PDE9A: variants seen among roughly 807,000 people sequenced by gnomAD.
PDE9A encodes the protein high affinity cGMP-specific 3',5'-cyclic phosphodiesterase 9A.
PDE9A carries 60 observed loss-of-function variants against 87.4 expected under a neutral mutation model. The ratio of observed to expected loss-of-function variants is 0.69; its 90% confidence interval spans 0.56 to 0.85. The LOEUF (loss-of-function observed/expected upper bound fraction) is 0.85. Among genes scored for constraint, PDE9A ranks in the 40% least tolerant of loss-of-function variants. The probability of loss-of-function intolerance (pLI) is 0.00; values close to 1 mark genes in which losing one functional copy is unlikely to be tolerated. For missense variants in PDE9A, 665 were observed against 779.0 expected (o/e 0.85, Z 1.74); for synonymous variants, 272 against 279.4 (o/e 0.97, Z 0.27).
intron 4 of PDE9A, among the ~76,000 whole-genome samples, chr21:42,726,353 T>A (rs2051032602): frequency 6.6e-6 from 1 of 151,902 alleles, no homozygotes; most frequent in South Asian, 2.1e-4. Context: ...TTCTGGTTTG[T>A]GTTTTTGCTG....
At chr21:42,727,758 G>A (rs2051297048) in intron 4 of PDE9A, among the ~76,000 whole-genome samples, 1 of 152,094 alleles carries the variant, frequency 6.6e-6, no homozygotes, top group South Asian at 2.1e-4. Flanking sequence ...TTAGTTCTAG[G>A]AGGGTTGTGT....
At chr21:42,688,557 C>T (rs758768063) in intron 3 of PDE9A, among the ~76,000 whole-genome samples, 29 of 152,186 alleles carry the variant, frequency 1.9e-4, no homozygotes, top group Non-Finnish European at 2.8e-4. Flanking sequence ...GGAGCAGGGG[C>T]CCTCAGGTCA....
chr21:42,660,625 TA>T lies in PDE9A; in HGVS notation c.69+6757del, dbSNP rs11292693. On this transcript the variant is annotated intron_variant, in intron 1 of 19. Transcript: ENST00000291539. This position sits in a 1 kb window ranked among gnomAD's most constrained non-coding sequence, Gnocchi z 4.7. Reference sequence around the variant, plus strand: ...CCCCTTCCCCAAACACTATTGGAATTAAAAAAAAAAAAAAAGATTAAAATGG... The same window carrying T: ...CCCCTTCCCCAAACACTATTGGAATTAAAAAAAAAAAAAAGATTAAAATGG... Among the ~76,000 whole-genome samples, 23,856 of 138,654 alleles carry T rather than the reference TA, an allele frequency of 0.17. 2,089 individuals carry two copies. Among genetic ancestry groups the T allele is most frequent in the African/African-American group, 0.27 (10,264 of 38,186 alleles). 91.0% of individuals were successfully genotyped at this position (138,654 alleles called of 152,430 possible). A position where few individuals can be genotyped will look rare whatever the true frequency, so the allele number is the denominator to read the frequency against.
intron 4 of PDE9A, among the ~76,000 whole-genome samples, chr21:42,708,850 C>T (rs969348312): frequency 6.6e-6 from 1 of 152,146 alleles, no homozygotes; most frequent in Non-Finnish European, 1.5e-5. Flanking sequence ...GCCACTGTGC[C>T]CAGCCACAGT....
chr21:42,749,964 C>G (rs541898112), intron 8 of PDE9A, among the ~76,000 whole-genome samples: 1 of 152,156 alleles, frequency 6.6e-6, no homozygotes, highest in Admixed American at 6.5e-5. Context: ...ATGGTGAAAC[C>G]CCGTCTCTAC....
intron 14 of PDE9A, among the ~76,000 whole-genome samples, chr21:42,764,946 C>T (rs1436042780): frequency 6.6e-6 from 1 of 151,410 alleles, no homozygotes; most frequent in Non-Finnish European, 1.5e-5. Context: ...ATACCTGGCA[C>T]AGAGATGTGT....
chr21:42,751,744 CTT>C (rs33940532), intron 9 of PDE9A, among the ~76,000 whole-genome samples: 36 of 122,392 alleles, frequency 2.9e-4, no homozygotes, highest in Admixed American at 5.3e-4. Context: ...GGCCCACCTG[CTT>C]TTTTTTTTTT....
intron 4 of PDE9A, among the ~76,000 whole-genome samples, chr21:42,708,442 T>C (rs1235496636): frequency 1.3e-5 from 2 of 152,314 alleles, no homozygotes; most frequent in East Asian, 3.9e-4. Flanking sequence ...CCCTCCCTGC[T>C]CCTAGGCATT....
At chr21:42,674,600 G>C (rs1261067691) in intron 1 of PDE9A, among the ~76,000 whole-genome samples, 1 of 152,132 alleles carries the variant, frequency 6.6e-6, no homozygotes. Context: ...CTTCCCAGGA[G>C]GGGCCCCGCC....
Position 42,722,697 on chromosome 21 carries a change from C to T in PDE9A, c.263-9073C>T, listed in dbSNP as rs887967203. Among the ~76,000 whole-genome samples the T allele has an allele frequency of 1.1e-4, 16 of 152,196 alleles. No individual in the cohort carries two copies. The highest frequency in any genetic ancestry group is 2.0e-4 in the Admixed American group (3 of 15,280). On this transcript the variant is annotated intron_variant, in intron 4 of 19. Coordinates refer to ENST00000291539, the MANE Select transcript of PDE9A (RefSeq NM_002606.3). This position sits in a 1 kb window ranked among gnomAD's most constrained non-coding sequence, Gnocchi z 4.1. The stretch of plus-strand genomic sequence containing the variant: ...CCCATCAGCTCAGGTGCGTGGAGGA[C>T]GGAAGAACTGCTGTTGCTGCTAGTA...
At chr21:42,754,805 T>G (rs2054848109) in intron 10 of PDE9A, among the ~76,000 whole-genome samples, 1 of 152,170 alleles carries the variant, frequency 6.6e-6, no homozygotes, top group African/African-American at 2.4e-5. Flanking sequence ...AGTGACTTTC[T>G]CCTTCTCTGC....
intron 4 of PDE9A, among the ~76,000 whole-genome samples, chr21:42,710,907 G>T (rs1275371361): frequency 6.6e-6 from 1 of 152,180 alleles, no homozygotes; most frequent in African/African-American, 2.4e-5. Flanking sequence ...AGAATCGCTT[G>T]AACCCAGGAG....
In PDE9A at chr21:42,750,449, G is replaced by A. The variant is rs568745175; in HGVS notation, c.654-667G>A. On this transcript the variant is annotated intron_variant, in intron 8 of 19. Coordinates refer to ENST00000291539, the MANE Select transcript of PDE9A (RefSeq NM_002606.3). The stretch of plus-strand genomic sequence containing the variant: ...AATAAATGGGTAAAGTGAGGACTTC[G>A]GTTTTCATATTTTGGTGTTTTTTTT... Among the ~76,000 whole-genome samples the A allele has an allele frequency of 5.9e-5, 9 of 151,486 alleles. No individual in the cohort carries two copies. The South Asian group carries it at 1.2e-3, about 21-fold the overall frequency.
intron 1 of PDE9A, among the ~76,000 whole-genome samples, chr21:42,665,174 C>T (rs2057881622): frequency 1.3e-5 from 2 of 152,204 alleles, no homozygotes; most frequent in South Asian, 2.1e-4. Flanking sequence ...CCAGGCTCTG[C>T]GGGCAGCCCC....
chr21:42,706,796 G>C (rs2048875897), intron 4 of PDE9A, among the ~76,000 whole-genome samples: 1 of 150,772 alleles, frequency 6.6e-6, no homozygotes, highest in Non-Finnish European at 1.5e-5. Context: ...TCACCCCCCA[G>C]CCCCTGGCAG....
intron 1 of PDE9A, among the ~76,000 whole-genome samples, chr21:42,669,201 G>T (rs539853507): frequency 6.6e-6 from 1 of 152,228 alleles, no homozygotes; most frequent in East Asian, 1.9e-4. Context: ...AATCTGAATC[G>T]CTGGGCTGAA....
rs116234229 is a variant in PDE9A at position 42,661,000 on chromosome 21, G to A, written c.69+7117G>A. On this transcript the variant is annotated intron_variant, in intron 1 of 19. Coordinates refer to ENST00000291539, the MANE Select transcript of PDE9A (RefSeq NM_002606.3). This position sits in a 1 kb window ranked among gnomAD's most constrained non-coding sequence, Gnocchi z 4.7. ...AGAAACAACTAAAAGAAGAACCACAGCATTTTATTCCGTTTGCTTTAGATT... is the reference window on the plus strand; with the variant it reads ...AGAAACAACTAAAAGAAGAACCACAACATTTTATTCCGTTTGCTTTAGATT... 0.036 allele frequency among the ~76,000 whole-genome samples: 5,421 copies of A among 151,676 alleles called. 325 individuals are homozygous for A. The highest frequency in any genetic ancestry group is 0.12 in the African/African-American group (5,117 of 41,252).
chr21:42,678,471 T>A (rs533807504), intron 1 of PDE9A, among the ~76,000 whole-genome samples: 28 of 152,168 alleles, frequency 1.8e-4, no homozygotes, highest in Admixed American at 7.2e-4. Context: ...CCTGCCCCAG[T>A]AGGAGGCCAG....
In PDE9A at chr21:42,726,609, TATATATATA is replaced by T. The variant is rs1170677435; in HGVS notation, c.263-5160_263-5152del. Reference sequence around the variant, plus strand: ...ACGCCTGGCCATATATATATATATATATATATATATATATATTTTTTTTTTTTTTTTTGT... The same window carrying T: ...ACGCCTGGCCATATATATATATATATTATATATTTTTTTTTTTTTTTTTGT... On this transcript the variant is annotated intron_variant, in intron 4 of 19. Transcript: ENST00000291539. Among the ~76,000 whole-genome samples, 218 of 25,456 alleles carry T rather than the reference TATATATATA, an allele frequency of 8.6e-3. 16 individuals carry two copies. Among genetic ancestry groups the T allele is most frequent in the African/African-American group, 0.057 (210 of 3,708 alleles). 16.7% of individuals were successfully genotyped at this position (25,456 alleles called of 152,430 possible). A position where few individuals can be genotyped will look rare whatever the true frequency, so the allele number is the denominator to read the frequency against.
Sources: allele counts gnomAD v4.1 joint callset (sites outside exome capture counted in the v4.1 genomes callset), GRCh38; gene constraint gnomAD v4.1.1; non-coding constraint Gnocchi (gnomAD v3.1); transcripts MANE v1.5; gene names NCBI Gene and HGNC (gene_info 2026-07-23, HGNC 2026-07-21).